The following DACH2 variants were observed in gnomAD, a reference collection of about 807,000 sequenced individuals.
The protein encoded by DACH2 is dachshund homolog 2.
Under a neutral mutation model 35.8 loss-of-function variants are expected in DACH2, and 17 were observed. That is an observed-to-expected ratio of 0.48 (90% confidence interval 0.33 to 0.71). The LOEUF (loss-of-function observed/expected upper bound fraction) is 0.71, where lower values mean the gene tolerates loss of function less well. DACH2 is among the 30% of genes least tolerant of loss of function. The probability of loss-of-function intolerance (pLI) is 0.02; values close to 1 mark genes in which losing one functional copy is unlikely to be tolerated. For synonymous variants in DACH2, 195 were observed against 177.3 expected (o/e 1.10, Z -0.79); for missense variants, 469 against 472.7 (o/e 0.99, Z 0.07).
rs192132055 is a variant in DACH2, at chrX:86,539,687, T to C, written c.640+25296T>C. 8.3e-3 allele frequency among the ~76,000 whole-genome samples: 927 copies of C among 111,751 alleles called. 10 individuals are homozygous for C. The highest frequency in any genetic ancestry group is 0.028 in the African/African-American group (849 of 30,808). On this transcript the variant is annotated intron_variant, in intron 3 of 11. Transcript: ENST00000373125. ...AAAATGAATGCTATACAACAAGCTATATGGCTCTGAGCACATTACTTTCTC... is the reference window on the plus strand; with the variant it reads ...AAAATGAATGCTATACAACAAGCTACATGGCTCTGAGCACATTACTTTCTC...
At chrX:86,360,327 A>T (rs1207598301) in intron 1 of DACH2, among the ~76,000 whole-genome samples, 2 of 111,017 alleles carry the variant, frequency 1.8e-5, no homozygotes, top group Non-Finnish European at 3.8e-5. Flanking sequence ...TATGCCCCAC[A>T]CTTTCATTCT....
chrX:86,771,637 A>G (rs761876643), intron 7 of DACH2, among the ~76,000 whole-genome samples: 2 of 112,227 alleles, frequency 1.8e-5, no homozygotes, highest in East Asian at 5.6e-4. Context: ...GACTGACACC[A>G]TAATATTGAA....
chrX:86,517,912 T>C (rs2038495350), intron 3 of DACH2, among the ~76,000 whole-genome samples: 1 of 111,916 alleles, frequency 8.9e-6, no homozygotes, highest in Non-Finnish European at 1.9e-5. Flanking sequence ...TAGATCCCAC[T>C]TGTCAATTTT....
intron 4 of DACH2, among the ~76,000 whole-genome samples, chrX:86,680,673 A>G (rs1416314627): frequency 9.1e-5 from 6 of 66,093 alleles, no homozygotes; most frequent in Non-Finnish European, 1.6e-4. Flanking sequence ...TTTTTTTTTG[A>G]GACAGGGTCT....
At chrX:86,359,878 T>G (rs1410982150) in intron 1 of DACH2, among the ~76,000 whole-genome samples, 3 of 110,771 alleles carry the variant, frequency 2.7e-5, no homozygotes, top group Non-Finnish European at 5.7e-5. Context: ...CATTTTATTT[T>G]TTATTTTTAT....
intron 7 of DACH2, among the ~76,000 whole-genome samples, chrX:86,743,817 G>T: frequency 9.0e-6 from 1 of 111,266 alleles, no homozygotes; most frequent in Non-Finnish European, 1.9e-5. Flanking sequence ...TCAGGTTCAT[G>T]ATATTAAACT....
chrX:86,645,892 G>T (rs1428059397), intron 3 of DACH2, among the ~76,000 whole-genome samples: 1 of 110,325 alleles, frequency 9.1e-6, no homozygotes, highest in Non-Finnish European at 1.9e-5. Flanking sequence ...AGACACTGAG[G>T]TCTACTTTAG....
intron 11 of DACH2, among the ~76,000 whole-genome samples, chrX:86,820,293 A>G (rs1481099556): frequency 3.6e-5 from 4 of 111,873 alleles, no homozygotes; most frequent in Non-Finnish European, 7.5e-5. Context: ...CAAAGACACA[A>G]GATGATTTAG....
At chrX:86,801,170 C>T (rs1332230868) in intron 7 of DACH2, among the ~76,000 whole-genome samples, 1 of 110,002 alleles carries the variant, frequency 9.1e-6, no homozygotes, top group African/African-American at 3.3e-5. Context: ...ATTAGGAAAA[C>T]CCTTAATTTT....
At chrX:86,640,081 C>T (rs1236172173) in intron 3 of DACH2, among the ~76,000 whole-genome samples, 1 of 110,980 alleles carries the variant, frequency 9.0e-6, no homozygotes, top group Admixed American at 9.6e-5. Context: ...CTGGAGCGGG[C>T]CCCAAGCATA....
intron 2 of DACH2, among the ~76,000 whole-genome samples, chrX:86,393,647 T>C (rs1310753840): frequency 1.8e-5 from 2 of 111,981 alleles, no homozygotes; most frequent in Admixed American, 1.9e-4. Context: ...GGAATGGGTA[T>C]AGAAATTGTA....
intron 3 of DACH2, among the ~76,000 whole-genome samples, chrX:86,612,699 A>C (rs746349596): frequency 1.8e-5 from 2 of 112,401 alleles, no homozygotes; most frequent in East Asian, 5.7e-4. Flanking sequence ...TGGGGTTGAC[A>C]ATTCAAGACT....
rs143346548 is a variant in DACH2 at position 86,242,347 on chromosome X, C to T, written c.488+93239C>T. Among the ~76,000 whole-genome samples the T allele has an allele frequency of 4.3e-3, 480 of 112,109 alleles. 2 individuals carry two copies. Among genetic ancestry groups the T allele is most frequent in the Admixed American group, 0.016 (167 of 10,598 alleles). ...CAAAGGAGATTATTTTGGAGCTTTACGATTTATTGAGTGCCCTGCTGCATT... is the reference window on the plus strand; with the variant it reads ...CAAAGGAGATTATTTTGGAGCTTTATGATTTATTGAGTGCCCTGCTGCATT... On this transcript the variant is annotated intron_variant, in intron 1 of 11. Transcript: ENST00000373125.
Position 86,616,969 on chromosome X carries a change from G to C in DACH2, c.641-34067G>C, listed in dbSNP as rs188859208. 1.6e-3 allele frequency among the ~76,000 whole-genome samples: 182 copies of C among 111,879 alleles called. 2 individuals are homozygous for C. The highest frequency in any genetic ancestry group is 0.015 in the Admixed American group (155 of 10,518). On this transcript the variant is annotated intron_variant, in intron 3 of 11. Coordinates refer to ENST00000373125, the MANE Select transcript of DACH2 (RefSeq NM_053281.3). ...TGGTGTGAGAAAGGTGTCCAATTTC[G>C]ATCTTCTGCATTTGGCTAGCCAGTT...
At chrX:86,522,997 G>T (rs759112152) in intron 3 of DACH2, among the ~76,000 whole-genome samples, 2 of 111,732 alleles carry the variant, frequency 1.8e-5, no homozygotes, top group South Asian at 7.5e-4. Context: ...GTGAAATTTG[G>T]CCTGAGAAAG....
At chrX:86,391,282 T>TAAAAAAAAAA (rs55941702) in intron 2 of DACH2, among the ~76,000 whole-genome samples, 2 of 21,428 alleles carry the variant, frequency 9.3e-5, no homozygotes, top group Admixed American at 9.3e-4. Context: ...GGCTCTGTCT[T>TAAAAAAAAAA]AAAAAAAAAA....
intron 2 of DACH2, among the ~76,000 whole-genome samples, chrX:86,499,947 A>G (rs1486664167): frequency 9.0e-6 from 1 of 111,133 alleles, no homozygotes; most frequent in Non-Finnish European, 1.9e-5. Context: ...CGCCATGACC[A>G]ATTTCAAGCT....
At chrX:86,480,987 G>A (rs1234186197) in intron 2 of DACH2, 1 of 111,910 alleles carries the variant, frequency 8.9e-6, no homozygotes, top group Non-Finnish European at 1.9e-5. Flanking sequence ...GTGTTTTTCT[G>A]CTTTGATCAT....
chrX:86,169,651 G>A (rs1315447704), intron 1 of DACH2, among the ~76,000 whole-genome samples: 1 of 109,128 alleles, frequency 9.2e-6, no homozygotes, highest in East Asian at 2.9e-4. Flanking sequence ...TCTTCTGCTT[G>A]ATCGATTGCA....
Sources: allele counts gnomAD v4.1 joint callset (sites outside exome capture counted in the v4.1 genomes callset), GRCh38; gene constraint gnomAD v4.1.1; transcripts MANE v1.5; gene names NCBI Gene and HGNC (gene_info 2026-07-23, HGNC 2026-07-21).